Variants in DNAH11 observed in about 807,000 individuals in gnomAD.
DNAH11 encodes the protein axonemal beta dynein heavy chain 11.
In DNAH11, 442 loss-of-function variants were observed where a neutral mutation model predicts 526.0. The observed-to-expected ratio is 0.84, with a 90% CI of 0.78 to 0.91. DNAH11 has a LOEUF of 0.91. Among genes scored for constraint, DNAH11 ranks in the 40% least tolerant of loss-of-function variants. The pLI is 0.00. For missense variants in DNAH11, 6,989 were observed against 5,448.7 expected (o/e 1.28, Z -8.90); for synonymous variants, 2,461 against 1,935.9 (o/e 1.27, Z -7.12).
intron 31 of DNAH11, among the ~76,000 whole-genome samples, chr7:21,682,845 A>G (rs1411630806): frequency 2.6e-5 from 4 of 152,214 alleles, no homozygotes; most frequent in Non-Finnish European, 5.9e-5. Context: ...CCATAAACAT[A>G]TATTAACATT....
intron 36 of DNAH11, among the ~76,000 whole-genome samples, chr7:21,702,009 A>G (rs1784083552): frequency 6.6e-6 from 1 of 152,162 alleles, no homozygotes; most frequent in Non-Finnish European, 1.5e-5. Flanking sequence ...GCTAGCCCCA[A>G]GAAGACAGTG....
rs1277171281 is a variant in DNAH11 at position 21,600,656 on chromosome 7, T to A, written c.3001-20T>A. 6.3e-7 allele frequency: 1 copy of A among 1,577,274 alleles called. No homozygotes were observed. Among genetic ancestry groups the A allele is most frequent in the East Asian group, 2.3e-5 (1 of 44,402 alleles). ...TAAGGTTGGTTTGAATAGTAAGTGC[T>A]GTGTTTTCCTCTCATTTAGAATGAT... is the stretch of plus-strand genomic sequence containing the variant. On this transcript the variant is annotated intron_variant, in intron 15 of 81. Transcript: ENST00000409508.
At chr7:21,647,847 C>T (rs1787433206) in intron 28 of DNAH11, among the ~76,000 whole-genome samples, 1 of 152,036 alleles carries the variant, frequency 6.6e-6, no homozygotes, top group Non-Finnish European at 1.5e-5. Flanking sequence ...GATGTTTTAA[C>T]ACATTCAAAA....
intron 35 of DNAH11, among the ~76,000 whole-genome samples, chr7:21,694,742 A>G (rs1457822662): frequency 6.6e-6 from 1 of 152,154 alleles, no homozygotes; most frequent in African/African-American, 2.4e-5. Context: ...GTCAAATGGT[A>G]TTTCTGGTTC....
At chr7:21,618,145 T>C in intron 23 of DNAH11, 1 of 160,574 alleles carries the variant, frequency 6.2e-6, no homozygotes, top group Non-Finnish European at 1.4e-5. Context: ...CCAGCAACTC[T>C]GGAGTGAGGC....
chr7:21,831,714 A>G (rs1399755412), intron 65 of DNAH11, among the ~76,000 whole-genome samples: 1 of 152,218 alleles, frequency 6.6e-6, no homozygotes, highest in Admixed American at 6.5e-5. Flanking sequence ...TAGATATGCA[A>G]GAGAGACACA....
Position 21,619,081 on chromosome 7 carries a change from C to T in DNAH11, c.4255-19C>T. On this transcript the variant is annotated intron_variant, in intron 23 of 81. Transcript: ENST00000409508. ...CATATATGTGGAATATAAAGTCTAA[C>T]TTTTTTTCCCCCAATCAGGTCAAGT... 6.2e-7 allele frequency: 1 copy of T among 1,612,810 alleles called. No homozygotes were observed. The highest frequency in any genetic ancestry group is 8.5e-7 in the Non-Finnish European group (1 of 1,179,226).
At chr7:21,633,680 G>T (rs1429849757) in intron 25 of DNAH11, among the ~76,000 whole-genome samples, 1 of 152,180 alleles carries the variant, frequency 6.6e-6, no homozygotes, top group Non-Finnish European at 1.5e-5. Context: ...ATGCACTTGA[G>T]TAGGGAGACA....
In DNAH11 at chr7:21,742,483, GAACT is replaced by G. The variant is rs368610623; in HGVS notation, c.8154+322_8154+325del. 6.3e-3 allele frequency among the ~76,000 whole-genome samples: 955 copies of G among 152,222 alleles called. 6 individuals carry two copies. The highest frequency in any genetic ancestry group is 0.022 in the African/African-American group (917 of 41,526). On this transcript the variant is annotated intron_variant, in intron 49 of 81. Transcript: ENST00000409508. ...ACTTTTAAACAACCAGATCTTGCATGAACTAACTGAGTGAGAATTCACTTATTAC... is the reference window on the plus strand; with the variant it reads ...ACTTTTAAACAACCAGATCTTGCATGAACTGAGTGAGAATTCACTTATTAC...
intron 12 of DNAH11, among the ~76,000 whole-genome samples, chr7:21,590,077 T>A (rs986878780): frequency 6.6e-6 from 1 of 152,194 alleles, no homozygotes; most frequent in African/African-American, 2.4e-5. Context: ...GTAAGTCATG[T>A]AACAAAGGAA....
At chr7:21,588,412 C>T (rs1004907738) in intron 10 of DNAH11, 100 bp from the exon 11 acceptor site, 44 of 1,455,772 alleles carry the variant, frequency 3.0e-5, no homozygotes, top group Admixed American at 9.5e-5. Context: ...ATGTTTTATA[C>T]TACTGTAAAA....
At chr7:21,575,956 G>A (rs1421215587) in intron 8 of DNAH11, among the ~76,000 whole-genome samples, 1 of 152,084 alleles carries the variant, frequency 6.6e-6, no homozygotes, top group Non-Finnish European at 1.5e-5. Flanking sequence ...ATGTCATTTA[G>A]TAGATATCAT....
Position 21,707,833 on chromosome 7 carries a change from C to A in DNAH11, c.6681C>A (p.Gly2227=), listed in dbSNP as rs753085062. The A allele has an allele frequency of 6.3e-7, 1 of 1,593,710 alleles. No homozygotes were observed. The highest frequency in any genetic ancestry group is 1.1e-5 in the South Asian group (1 of 86,982). ...ATGCTACCCGAGAATGGAAAGATGG[C>A]AAGTAGTATTTCCCCTTTAGAAGTG... The part of the protein sequence containing the change: ...IHHATREWKD[G]KIVYSYFIGL... The change falls in exon 40 of 82, where the codon GGC becomes GGA. Residue 2227 remains glycine (G), a splice_region_variant and synonymous_variant. Coordinates refer to ENST00000409508, the MANE Select transcript of DNAH11 (RefSeq NM_001277115.2).
rs1166330097 is a variant in DNAH11 at position 21,807,882 on chromosome 7, G to C, written c.10166-1G>C. ...GCTGAGTAATTTCATCTTTCAGTCAGAGAAGATTCGCTGGGGTCAATCCAT... is the reference window on the plus strand; with the variant it reads ...GCTGAGTAATTTCATCTTTCAGTCACAGAAGATTCGCTGGGGTCAATCCAT... On this transcript the variant is annotated splice_acceptor_variant, in intron 62 of 81. Transcript: ENST00000409508. LOFTEE classifies it high-confidence loss of function. The C allele has an allele frequency of 6.9e-6, 11 of 1,587,888 alleles. No individual in the cohort carries two copies. Among genetic ancestry groups the C allele is most frequent in the African/African-American group, 1.3e-5 (1 of 74,548 alleles).
intron 25 of DNAH11, among the ~76,000 whole-genome samples, chr7:21,620,634 T>C (rs1336472587): frequency 6.6e-6 from 1 of 151,660 alleles, no homozygotes; most frequent in Non-Finnish European, 1.5e-5. Flanking sequence ...TACATATGTA[T>C]ACATGTGCCA....
rs1272754626 is a variant in DNAH11, at chr7:21,602,558, T to A, written c.3648+940T>A. ...ATGCCAATATTGATATTTTATAGAT[T>A]GTGTGTGTGTGTGTGTGTGTGTGTG... On this transcript the variant is annotated intron_variant, in intron 18 of 81. Transcript: ENST00000409508. 4.7e-3 allele frequency among the ~76,000 whole-genome samples: 18 copies of A among 3,862 alleles called. No homozygotes were observed. The East Asian group carries it at 0.1, about 22-fold the overall frequency. 2.5% of individuals were successfully genotyped at this position (3,862 alleles called of 152,430 possible). A position where few individuals can be genotyped will look rare whatever the true frequency, so the allele number is the denominator to read the frequency against.
At chr7:21,838,960 T>A (rs1197794290) in intron 65 of DNAH11, among the ~76,000 whole-genome samples, 1 of 152,168 alleles carries the variant, frequency 6.6e-6, no homozygotes, top group Non-Finnish European at 1.5e-5. Flanking sequence ...CCATTAGCAG[T>A]GTATGAGGGC....
chr7:21,715,741 G>A (rs1784634849), intron 42 of DNAH11, among the ~76,000 whole-genome samples: 2 of 151,814 alleles, frequency 1.3e-5, no homozygotes, highest in South Asian at 4.2e-4. Context: ...AACTATGTAA[G>A]TTTAGCAATA....
chr7:21,756,974 A>G (rs1786665986), intron 54 of DNAH11, among the ~76,000 whole-genome samples: 1 of 152,154 alleles, frequency 6.6e-6, no homozygotes, highest in Non-Finnish European at 1.5e-5. Context: ...TCTTTTCTCA[A>G]TATTTTACAG....
Sources: allele counts gnomAD v4.1 joint callset (sites outside exome capture counted in the v4.1 genomes callset), GRCh38; gene constraint gnomAD v4.1.1; transcripts MANE v1.5; gene names NCBI Gene and HGNC (gene_info 2026-07-23, HGNC 2026-07-21).